The following FAM227B variants were observed in gnomAD, a reference collection of about 807,000 sequenced individuals.
FAM227B encodes the protein protein FAM227B.
Under a neutral mutation model 73.8 loss-of-function variants are expected in FAM227B, and 88 were observed. The ratio of observed to expected loss-of-function variants is 1.19; its 90% CI spans 1.00 to 1.42. FAM227B has a LOEUF of 1.42. Ranked by LOEUF, FAM227B falls within the 40% of genes most tolerant of loss-of-function variation. The pLI, the probability that FAM227B is intolerant of heterozygous loss-of-function variation, is 0.00. For missense variants in FAM227B, 632 were observed against 590.9 expected, an observed-to-expected ratio of 1.07 and a Z score of -0.72; for synonymous variants, 210 against 190.5, an observed-to-expected ratio of 1.10 and a Z score of -0.84.
intron 3 of FAM227B, among the ~76,000 whole-genome samples, chr15:49,595,125 T>C (rs141707397): frequency 2.6e-5 from 4 of 152,212 alleles, no homozygotes; most frequent in African/African-American, 9.6e-5. Context: ...GTTTATCTTG[T>C]AGAGGTCTTT....
intron 11 of FAM227B, among the ~76,000 whole-genome samples, chr15:49,419,384 G>C (rs900546389): frequency 2.0e-5 from 3 of 152,148 alleles, no homozygotes; most frequent in African/African-American, 7.2e-5. Context: ...ATGACCTTTT[G>C]AAAGGGATTC....
chr15:49,444,002 G>T (rs1433097918), intron 11 of FAM227B, among the ~76,000 whole-genome samples: 1 of 151,594 alleles, frequency 6.6e-6, no homozygotes, highest in African/African-American at 2.4e-5. Flanking sequence ...GTAAAAGATT[G>T]TGCTGTAAAT....
rs2053170467 is a variant in FAM227B at position 49,455,205 on chromosome 15, C to T, written c.1012+53006G>A. Among the ~76,000 whole-genome samples the T allele has an allele frequency of 2.0e-5, 3 of 152,168 alleles. No homozygotes were observed. In the South Asian group the frequency reaches 6.2e-4, roughly 32 times the overall value. ...AGGCACCTCAAGTCTGGTGATATTC[C>T]TGTTCACCTGTGTGTCAGGCATTCT... On this transcript the variant is annotated intron_variant, in intron 11 of 15. Transcript: ENST00000299338.
At chr15:49,348,306 C>G (rs1468261125) in intron 13 of FAM227B, among the ~76,000 whole-genome samples, 1 of 152,158 alleles carries the variant, frequency 6.6e-6, no homozygotes, top group East Asian at 1.9e-4. Context: ...TTCGGGTTTG[C>G]TTTGCAAATA....
At chr15:49,518,493 G>C (rs2059542319) in intron 10 of FAM227B, among the ~76,000 whole-genome samples, 1 of 152,092 alleles carries the variant, frequency 6.6e-6, no homozygotes, top group African/African-American at 2.4e-5. Context: ...GAAAAAAGAG[G>C]TTTAATGGAC....
intron 11 of FAM227B, among the ~76,000 whole-genome samples, chr15:49,374,556 C>A (rs2046035398): frequency 6.6e-6 from 1 of 152,266 alleles, no homozygotes; most frequent in Non-Finnish European, 1.5e-5. Flanking sequence ...TAAACTATTG[C>A]ATATTCATGA....
At chr15:49,498,263 C>G (rs1212235465) in intron 11 of FAM227B, among the ~76,000 whole-genome samples, 1 of 152,132 alleles carries the variant, frequency 6.6e-6, no homozygotes, top group East Asian at 1.9e-4. Flanking sequence ...TAGCACTGAT[C>G]AGTTATGTGG....
At chr15:49,575,280 TA>T (rs1389128621) in intron 7 of FAM227B, among the ~76,000 whole-genome samples, 171 bp from the exon 8 acceptor site, 1 of 152,050 alleles carries the variant, frequency 6.6e-6, no homozygotes, top group East Asian at 1.9e-4. Flanking sequence ...GTAGCCACAT[TA>T]AAAAAGTAAA....
intron 11 of FAM227B, among the ~76,000 whole-genome samples, chr15:49,415,244 A>AT (rs1346390882): frequency 6.6e-6 from 1 of 152,162 alleles, no homozygotes; most frequent in African/African-American, 2.4e-5. Flanking sequence ...ATGTAGAACC[A>AT]AATAATGACA....
intron 11 of FAM227B, among the ~76,000 whole-genome samples, chr15:49,497,422 C>T (rs1185222710): frequency 2.0e-5 from 3 of 152,206 alleles, no homozygotes; most frequent in African/African-American, 7.2e-5. Flanking sequence ...TGAGCCAAGC[C>T]CCTTTGCAAT....
intron 11 of FAM227B, among the ~76,000 whole-genome samples, chr15:49,454,621 T>A (rs1476277778): frequency 6.6e-6 from 1 of 152,162 alleles, no homozygotes; most frequent in Non-Finnish European, 1.5e-5. Flanking sequence ...TTTTATATTA[T>A]TTTTTTGAGA....
At chr15:49,431,045 C>A (rs986885835) in intron 11 of FAM227B, among the ~76,000 whole-genome samples, 1 of 151,828 alleles carries the variant, frequency 6.6e-6, no homozygotes, top group Admixed American at 6.6e-5. Flanking sequence ...AGCACAATAA[C>A]TTCTCTAACA....
intron 9 of FAM227B, among the ~76,000 whole-genome samples, chr15:49,565,381 C>CAA (rs3075974): frequency 0.09 from 8,093 of 90,020 alleles, 501 homozygotes; most frequent in African/African-American, 0.18. Flanking sequence ...GACTCCATCT[C>CAA]AAAAAAAAAA....
intron 11 of FAM227B, among the ~76,000 whole-genome samples, chr15:49,395,244 G>T (rs1456835819): frequency 6.6e-6 from 1 of 151,706 alleles, no homozygotes; most frequent in Non-Finnish European, 1.5e-5. Context: ...ACTTTTCTAG[G>T]GGGTTTTAAG....
At chr15:49,573,205 A>G (rs1205611567) in intron 8 of FAM227B, among the ~76,000 whole-genome samples, 1 of 150,046 alleles carries the variant, frequency 6.7e-6, no homozygotes, top group Non-Finnish European at 1.5e-5. Context: ...GTAACTGAGA[A>G]TTGTGTTCAT....
At chr15:49,401,177 A>G (rs2048113935) in intron 11 of FAM227B, among the ~76,000 whole-genome samples, 1 of 152,266 alleles carries the variant, frequency 6.6e-6, no homozygotes, top group African/African-American at 2.4e-5. Context: ...AACCCCATCA[A>G]AAAGTGGGCG....
At chr15:49,396,003 C>A (rs763569225) in intron 11 of FAM227B, 17 of 455,834 alleles carry the variant, frequency 3.7e-5, no homozygotes, top group South Asian at 2.6e-4. Context: ...GCCAAGATGG[C>A]CAAATAGGAA....
At chr15:49,593,674 T>G (rs1368600388) in intron 3 of FAM227B, among the ~76,000 whole-genome samples, 2 of 152,140 alleles carry the variant, frequency 1.3e-5, no homozygotes, top group Non-Finnish European at 2.9e-5. Context: ...CACTTGTAAG[T>G]GAGAACATAC....
Position 49,589,978 on chromosome 15 carries a change from T to C in FAM227B, c.135A>G (p.Arg45=). ...GAGTGCATGACCATTTATCATCATC[T>C]CTAAAATGGATTTCCCTTGGCCAAT... ...WDYWPREIHF[R]DDDKWSCTLK... Residue 45 remains arginine (R), a synonymous_variant, in exon 4 of 16, where the codon AGA becomes AGG. Transcript: ENST00000299338. 6.2e-7 allele frequency: 1 copy of C among 1,604,258 alleles called. No homozygotes were observed.
Sources: gnomAD v4.1 joint callset for allele counts (sites outside exome capture counted in the v4.1 genomes callset) on GRCh38, gnomAD v4.1.1 for gene constraint, MANE v1.5 for transcripts, NCBI Gene and HGNC (gene_info 2026-07-23, HGNC 2026-07-21) for gene names.